Variants in PDZRN4 observed in about 807,000 individuals in gnomAD.
The protein encoded by PDZRN4 is PDZ domain containing ring finger 4.
PDZRN4 carries 70 observed loss-of-function variants against 99.0 expected under a neutral mutation model. The ratio of observed to expected loss-of-function variants is 0.71; its 90% confidence interval spans 0.58 to 0.86. PDZRN4 has a LOEUF of 0.86. Ranked by LOEUF, PDZRN4 falls within the 40% of genes least tolerant of loss-of-function variation. The probability of loss-of-function intolerance (pLI) is 0.00; values close to 1 mark genes in which losing one functional copy is unlikely to be tolerated. For missense variants in PDZRN4, 1,474 were observed against 1,331.2 expected (o/e 1.11, Z -1.67); for synonymous variants, 551 against 501.6 (o/e 1.10, Z -1.32).
chr12:41,568,765 ATTTG>A (rs965676236), intron 9 of PDZRN4, among the ~76,000 whole-genome samples: 10 of 151,600 alleles, frequency 6.6e-5, no homozygotes, highest in South Asian at 2.1e-4. Context: ...CAGTTTACTG[ATTTG>A]TTTAATTATC....
chr12:41,446,840 A>G (rs1372342137), intron 3 of PDZRN4, among the ~76,000 whole-genome samples: 1 of 138,962 alleles, frequency 7.2e-6, no homozygotes, highest in Non-Finnish European at 1.5e-5. Flanking sequence ...TAGTTTAGGA[A>G]CCAAGGGCAA....
chr12:41,399,436 G>A (rs1952273794), intron 3 of PDZRN4, among the ~76,000 whole-genome samples: 1 of 151,908 alleles, frequency 6.6e-6, no homozygotes, highest in Admixed American at 6.6e-5. Context: ...AAATTAATAG[G>A]GTTTTAAAAG....
intron 9 of PDZRN4, among the ~76,000 whole-genome samples, chr12:41,568,269 C>T (rs557497072): frequency 1.3e-5 from 2 of 152,100 alleles, no homozygotes; most frequent in East Asian, 1.9e-4. Flanking sequence ...TTTTTTTACT[C>T]TAAAATATTA....
intron 4 of PDZRN4, 120 bp downstream of exon 4, chr12:41,506,832 C>A: frequency 3.5e-6 from 4 of 1,130,182 alleles, no homozygotes; most frequent in Non-Finnish European, 5.0e-6. Context: ...TTCCCAGCTC[C>A]GTTTGGAAAA....
At chr12:41,285,378 G>A (rs1394398879) in intron 3 of PDZRN4, among the ~76,000 whole-genome samples, 1 of 152,166 alleles carries the variant, frequency 6.6e-6, no homozygotes. Context: ...AGGATGTGGA[G>A]AAATAGGAAC....
At chr12:41,424,930 C>T (rs1952522498) in intron 3 of PDZRN4, among the ~76,000 whole-genome samples, 1 of 152,078 alleles carries the variant, frequency 6.6e-6, no homozygotes, top group Admixed American at 6.6e-5. Flanking sequence ...GTCATATCAC[C>T]CCACTTAGAT....
chr12:41,515,896 C>T (rs1416434349), intron 5 of PDZRN4, among the ~76,000 whole-genome samples: 1 of 151,864 alleles, frequency 6.6e-6, no homozygotes, highest in Non-Finnish European at 1.5e-5. Flanking sequence ...TGAATTAATT[C>T]TGAAATCCTC....
At chr12:41,398,000 G>A (rs905380378) in intron 3 of PDZRN4, among the ~76,000 whole-genome samples, 5 of 152,122 alleles carry the variant, frequency 3.3e-5, no homozygotes, top group Admixed American at 1.3e-4. Flanking sequence ...CCTACAGCCC[G>A]GGGGACCTTG....
At chr12:41,477,789 A>C in intron 3 of PDZRN4, 450 of 732,754 alleles carry the variant, frequency 6.1e-4, no homozygotes, top group Non-Finnish European at 8.8e-4. Flanking sequence ...AAAAGCCCAC[A>C]GGCGCCTTTA....
At chr12:41,536,551 A>G (rs1219961499) in intron 5 of PDZRN4, among the ~76,000 whole-genome samples, 1 of 152,156 alleles carries the variant, frequency 6.6e-6, no homozygotes, top group Non-Finnish European at 1.5e-5. Flanking sequence ...CAATACCAAG[A>G]GTGAACCCTA....
chr12:41,455,441 T>G (rs76316092), intron 3 of PDZRN4, among the ~76,000 whole-genome samples: 3,420 of 152,262 alleles, frequency 0.022, 104 homozygotes, highest in African/African-American at 0.075. Flanking sequence ...AAGAATGAAT[T>G]AATTTAATTC....
intron 5 of PDZRN4, among the ~76,000 whole-genome samples, chr12:41,543,739 C>G (rs1938901112): frequency 6.6e-6 from 1 of 152,044 alleles, no homozygotes. Context: ...TTTTGTGGTT[C>G]AAATACAATA....
At chr12:41,374,634 G>A (rs902214859) in intron 3 of PDZRN4, among the ~76,000 whole-genome samples, 1 of 152,108 alleles carries the variant, frequency 6.6e-6, no homozygotes, top group East Asian at 1.9e-4. Flanking sequence ...CTTGAAGATT[G>A]GTTGAAATTA....
At chr12:41,377,477 A>G (rs184360082) in intron 3 of PDZRN4, among the ~76,000 whole-genome samples, 1 of 152,298 alleles carries the variant, frequency 6.6e-6, no homozygotes, top group African/African-American at 2.4e-5. Flanking sequence ...TTCCTGGCTA[A>G]CACGGTGAAA....
intron 3 of PDZRN4, among the ~76,000 whole-genome samples, chr12:41,228,877 T>C (rs1951012341): frequency 6.6e-6 from 1 of 152,012 alleles, no homozygotes; most frequent in Non-Finnish European, 1.5e-5. Flanking sequence ...AATGAATTGT[T>C]CCTACAGAGA....
At chr12:41,444,113 G>C (rs997735014) in intron 3 of PDZRN4, among the ~76,000 whole-genome samples, 3 of 152,096 alleles carry the variant, frequency 2.0e-5, no homozygotes, top group African/African-American at 7.2e-5. Context: ...TTGCATTAGA[G>C]TGTGTAATAA....
chr12:41,351,637 C>G (rs898482368), intron 3 of PDZRN4, among the ~76,000 whole-genome samples: 4 of 151,922 alleles, frequency 2.6e-5, no homozygotes, highest in African/African-American at 4.8e-5. Context: ...CATGAGAACT[C>G]TGTCACAAGA....
chr12:41,400,670 C>A (rs558760943), intron 3 of PDZRN4, among the ~76,000 whole-genome samples: 1 of 152,090 alleles, frequency 6.6e-6, no homozygotes, highest in African/African-American at 2.4e-5. Context: ...CATAAAACTG[C>A]CCTAGTGCAT....
chr12:41,517,337 G>A (rs2120704214), intron 5 of PDZRN4, among the ~76,000 whole-genome samples: 1 of 152,148 alleles, frequency 6.6e-6, no homozygotes, highest in Middle Eastern at 3.4e-3. Context: ...TTTGTTTGAA[G>A]ATACTTATGA....
Sources: gnomAD v4.1 joint callset for allele counts (sites outside exome capture counted in the v4.1 genomes callset) on GRCh38, gnomAD v4.1.1 for gene constraint, MANE v1.5 for transcripts, NCBI Gene and HGNC (gene_info 2026-07-23, HGNC 2026-07-21) for gene names.